Variants in ZNF69 observed in about 807,000 individuals in gnomAD.
ZNF69 encodes ZNF3.
ZNF69 carries 47 observed loss-of-function variants against 50.9 expected under a neutral mutation model. That is an observed-to-expected ratio of 0.92 (90% confidence interval 0.73 to 1.18). The LOEUF (loss-of-function observed/expected upper bound fraction) is 1.18. Among genes scored for constraint, ZNF69 ranks in the 50% most tolerant of loss-of-function variants. The pLI is 0.00. For missense variants in ZNF69, 717 were observed against 675.1 expected, an observed-to-expected ratio of 1.06 and a Z score of -0.69; for synonymous variants, 216 against 223.1, an observed-to-expected ratio of 0.97 and a Z score of 0.29.
intron 1 of ZNF69, among the ~76,000 whole-genome samples, chr19:11,889,737 C>A (rs932953152): frequency 6.6e-6 from 1 of 152,092 alleles, no homozygotes; most frequent in African/African-American, 2.4e-5. Context: ...CCCAGGGGAC[C>A]GGCGCTCAAC....
intron 4 of ZNF69, among the ~76,000 whole-genome samples, chr19:11,912,767 G>A (rs1972475975): frequency 6.6e-6 from 1 of 152,188 alleles, no homozygotes; most frequent in East Asian, 1.9e-4. Context: ...ACTCACACTG[G>A]AGAGAAACCC....
Position 11,905,998 on chromosome 19 carries a change from A to T in ZNF69, c.1601A>T (p.Tyr534Phe). 6.2e-7 allele frequency: 1 copy of T among 1,614,098 alleles called. No individual in the cohort carries two copies. Among genetic ancestry groups the T allele is most frequent in the South Asian group, 1.1e-5 (1 of 91,084 alleles). The change falls in exon 4 of 4, where the codon TAT (tyrosine) becomes TTT (phenylalanine). Residue 534 changes from tyrosine (Y) to phenylalanine (F), a missense_variant. Transcript: ENST00000429654. ...HERTHTGEKP[Y>F]KCKQCGKAFR... ...AGGACTCACACTGGAGAGAAACCCT[A>T]TAAATGCAAGCAATGTGGGAAAGCC...
In ZNF69 at chr19:11,887,892, G is replaced by A. The variant is rs1290022928; in HGVS notation, c.-32G>A. On this transcript the variant is annotated 5_prime_UTR_variant, in exon 1 of 4. Transcript: ENST00000429654. Reference sequence around the variant, plus strand: ...GCCCCGAGAGGGACCTGGTTCCTCTGCCCAGGCTTCTGTCACTCTGTCACC... The same window carrying A: ...GCCCCGAGAGGGACCTGGTTCCTCTACCCAGGCTTCTGTCACTCTGTCACC... The A allele has an allele frequency of 2.5e-6, 4 of 1,603,722 alleles. No homozygotes were observed. Among genetic ancestry groups the A allele is most frequent in the Non-Finnish European group, 3.4e-6 (4 of 1,172,636 alleles).
chr19:11,976,820 C>T, the ZNF69 span: 2 of 1,357,832 alleles, frequency 1.5e-6, no homozygotes, highest in African/African-American at 1.5e-5. Context: ...CATCATTATA[C>T]TCCAGCCTGG....
the ZNF69 span, among the ~76,000 whole-genome samples, chr19:11,944,411 T>G: frequency 1.3e-5 from 2 of 152,180 alleles, no homozygotes; most frequent in African/African-American, 2.4e-5. Flanking sequence ...ATTCATCCAC[T>G]CCACCTTTCC....
chr19:11,895,948 G>A lies in ZNF69; in HGVS notation c.64-7625G>A, dbSNP rs1206427477. On this transcript the variant is annotated intron_variant, in intron 1 of 3. Transcript: ENST00000429654. ...TTAAACAGATGCCCAGACTGGGCAT[G>A]GTGGCTGACGCCTGTAATCCCAGCA... is the stretch of plus-strand genomic sequence containing the variant. Among the ~76,000 whole-genome samples, 17 of 152,228 alleles carry A rather than the reference G, an allele frequency of 1.1e-4. No individual in the cohort carries two copies. In the East Asian group the frequency reaches 2.3e-3, roughly 21 times the overall value.
the ZNF69 span, among the ~76,000 whole-genome samples, chr19:11,937,852 A>T: frequency 4.6e-5 from 7 of 151,936 alleles, no homozygotes; most frequent in Admixed American, 3.3e-4. Context: ...TGTATAGTTC[A>T]TTGAGTGTTT....
chr19:11,964,597 A>G, the ZNF69 span, among the ~76,000 whole-genome samples: 1 of 152,128 alleles, frequency 6.6e-6, no homozygotes, highest in Non-Finnish European at 1.5e-5. Context: ...GCCATGCCTC[A>G]TTCCCAATTC....
At chr19:11,890,715 C>A (rs980190722) in intron 1 of ZNF69, among the ~76,000 whole-genome samples, 2 of 152,170 alleles carry the variant, frequency 1.3e-5, no homozygotes, top group Non-Finnish European at 2.9e-5. Flanking sequence ...CTGCCTCGGC[C>A]TCCCAAAGTG....
intron 1 of ZNF69, among the ~76,000 whole-genome samples, chr19:11,889,800 T>G (rs578048457): frequency 6.2e-4 from 94 of 152,266 alleles, no homozygotes; most frequent in Middle Eastern, 3.4e-3. Context: ...TATTTATTGA[T>G]CACTATTTTT....
intron 1 of ZNF69, among the ~76,000 whole-genome samples, chr19:11,895,607 G>C (rs1452470771): frequency 6.6e-6 from 1 of 152,190 alleles, no homozygotes; most frequent in African/African-American, 2.4e-5. Flanking sequence ...AGTCGTGTAA[G>C]AAATATATGT....
the ZNF69 span, among the ~76,000 whole-genome samples, chr19:11,924,348 C>G: frequency 1.7e-3 from 251 of 146,630 alleles, 3 homozygotes; most frequent in African/African-American, 6.0e-3. Context: ...AAGAGAATGG[C>G]GTGAACTCGG....
chr19:11,970,669 G>A, the ZNF69 span, among the ~76,000 whole-genome samples: 3 of 152,060 alleles, frequency 2.0e-5, no homozygotes, highest in African/African-American at 7.2e-5. Flanking sequence ...TCCAGAGCAG[G>A]TGCAGTGGCT....
At chr19:11,948,708 G>A in the ZNF69 span, 8 of 1,612,650 alleles carry the variant, frequency 5.0e-6, no homozygotes, top group Non-Finnish European at 6.8e-6. Flanking sequence ...AATTTTGTGG[G>A]AAAGCCTTCC....
chr19:11,897,244 G>A (rs991634540), intron 1 of ZNF69, among the ~76,000 whole-genome samples: 4 of 152,216 alleles, frequency 2.6e-5, no homozygotes, highest in Non-Finnish European at 5.9e-5. Context: ...CTACCTGGGA[G>A]GCTGAGGCAG....
chr19:11,893,577 G>C (rs961049208), intron 1 of ZNF69, among the ~76,000 whole-genome samples: 14 of 152,142 alleles, frequency 9.2e-5, no homozygotes, highest in Non-Finnish European at 2.1e-4. Flanking sequence ...TTGGGATGCG[G>C]TTCCTTTCTG....
At chr19:11,972,788 C>G in the ZNF69 span, among the ~76,000 whole-genome samples, 1 of 152,120 alleles carries the variant, frequency 6.6e-6, no homozygotes, top group African/African-American at 2.4e-5. Flanking sequence ...TCATAATTCC[C>G]CCTGTTTTAA....
chr19:11,894,385 C>T (rs558079210), intron 1 of ZNF69, among the ~76,000 whole-genome samples: 1 of 152,258 alleles, frequency 6.6e-6, no homozygotes, highest in Non-Finnish European at 1.5e-5. Context: ...CGTGATCCAC[C>T]CGCCTTGGTC....
the ZNF69 span, chr19:11,979,987 T>C: frequency 8.4e-7 from 1 of 1,183,902 alleles, no homozygotes; most frequent in Non-Finnish European, 1.2e-6. Context: ...CCTATGAGTG[T>C]AAGCAATGTG....
Sources: allele counts gnomAD v4.1 joint callset (sites outside exome capture counted in the v4.1 genomes callset), GRCh38; gene constraint gnomAD v4.1.1; transcripts MANE v1.5; gene names NCBI Gene and HGNC (gene_info 2026-07-23, HGNC 2026-07-21).